NOS1: variants seen among roughly 807,000 people sequenced by gnomAD.
NOS1 encodes NOS type I.
NOS1 carries 51 observed loss-of-function variants against 164.5 expected under a neutral mutation model. The ratio of observed to expected loss-of-function variants is 0.31; its 90% CI spans 0.25 to 0.39. The LOEUF is 0.39. Ranked by LOEUF, NOS1 falls within the 10% of genes least tolerant of loss-of-function variation. The probability of loss-of-function intolerance (pLI) is 1.00; values close to 1 mark genes in which losing one functional copy is unlikely to be tolerated. For missense variants in NOS1, 1,362 were observed against 1,885.6 expected, an observed-to-expected ratio of 0.72 and a Z score of 5.14; for synonymous variants, 719 against 745.8, an observed-to-expected ratio of 0.96 and a Z score of 0.59.
intron 1 of NOS1, among the ~76,000 whole-genome samples, chr12:117,344,877 G>T (rs1012563838): frequency 6.6e-6 from 1 of 152,154 alleles, no homozygotes; most frequent in African/African-American, 2.4e-5. Context: ...GAAGTCACTG[G>T]TTTCACATTA....
intron 21 of NOS1, 117 bp from the exon 22 acceptor site, chr12:117,232,248 C>G: frequency 1.2e-6 from 1 of 837,094 alleles, no homozygotes; most frequent in Non-Finnish European, 1.9e-6. Flanking sequence ...GGCTCCAGAG[C>G]CAAGCAACCT....
chr12:117,278,235 A>T, intron 8 of NOS1, 137 bp from the exon 9 acceptor site: 2 of 920,746 alleles, frequency 2.2e-6, no homozygotes, highest in Non-Finnish European at 1.5e-6. Context: ...AGGCTCTTGG[A>T]CCACATCACC....
At chr12:117,279,961 G>A (rs907417518) in intron 8 of NOS1, among the ~76,000 whole-genome samples, 1 of 152,240 alleles carries the variant, frequency 6.6e-6, no homozygotes, top group African/African-American at 2.4e-5. Context: ...GGAGGGGCTT[G>A]AGCAAAGGAC....
chr12:117,310,268 C>T (rs1874365969), intron 3 of NOS1, among the ~76,000 whole-genome samples: 1 of 152,162 alleles, frequency 6.6e-6, no homozygotes, highest in African/African-American at 2.4e-5. Flanking sequence ...GGCACAAGGT[C>T]ACTCATTACG....
rs1956548135 is a variant in NOS1 at position 117,212,767 on chromosome 12, G to A, written c.*2542C>T. The A allele has an allele frequency of 1.0e-5, 10 of 985,440 alleles. No homozygotes were observed. The highest frequency in any genetic ancestry group is 1.2e-5 in the Non-Finnish European group (10 of 829,940). 61.0% of individuals were successfully genotyped at this position (985,440 alleles called of 1,614,324 possible). On this transcript the variant is annotated 3_prime_UTR_variant, in exon 29 of 29. Transcript: ENST00000317775. The stretch of plus-strand genomic sequence containing the variant: ...CGAGGCCTGGATGAAAAGCCACCAC[G>A]AGAGGGCAGTATTTCCCCACCCTTG...
chr12:117,240,251 A>T (rs1005199964), intron 20 of NOS1, among the ~76,000 whole-genome samples: 2 of 152,144 alleles, frequency 1.3e-5, no homozygotes, highest in Non-Finnish European at 2.9e-5. Flanking sequence ...CACTTAACTA[A>T]TTATTCAGAG....
In NOS1 at chr12:117,243,265, G is replaced by A. The variant is rs751871475; in HGVS notation, c.2962+32C>T. 24 of 1,611,512 alleles carry A rather than the reference G, an allele frequency of 1.5e-5. No individual in the cohort carries two copies. Among genetic ancestry groups the A allele is most frequent in the South Asian group, 5.5e-5 (5 of 90,602 alleles). On this transcript the variant is annotated intron_variant, in intron 19 of 28. Transcript: ENST00000317775. This position sits in a 1 kb window ranked among gnomAD's most constrained non-coding sequence, Gnocchi z 4.3. Reference sequence around the variant, plus strand: ...TCACCTGCCTTTCCCCCATTGTCACGAATACCTCCCTGGAAGGGTGGTGGG... The same window carrying A: ...TCACCTGCCTTTCCCCCATTGTCACAAATACCTCCCTGGAAGGGTGGTGGG...
intron 10 of NOS1, among the ~76,000 whole-genome samples, chr12:117,269,469 T>TTG (rs1292803873): frequency 9.8e-5 from 14 of 142,410 alleles, no homozygotes; most frequent in Non-Finnish European, 2.0e-4. Context: ...GATTTGTTTT[T>TTG]TTTTTTTTTT....
intron 3 of NOS1, among the ~76,000 whole-genome samples, chr12:117,292,514 C>T (rs1449362258): frequency 6.6e-6 from 1 of 152,198 alleles, no homozygotes; most frequent in Non-Finnish European, 1.5e-5. Context: ...TCACAGAGAA[C>T]TGCGAAGGAC....
At chr12:117,318,343 C>G (rs1274714930) in intron 2 of NOS1, among the ~76,000 whole-genome samples, 3 of 152,128 alleles carry the variant, frequency 2.0e-5, no homozygotes, top group Non-Finnish European at 4.4e-5. Context: ...CAGTAGGCAG[C>G]AAGGTTCCTT....
intron 1 of NOS1, among the ~76,000 whole-genome samples, chr12:117,357,967 AC>A (rs1352886009): frequency 7.9e-5 from 12 of 152,190 alleles, no homozygotes; most frequent in Admixed American, 3.9e-4. Flanking sequence ...TTCAACTTCC[AC>A]AAATTCCAGT....
rs948492869 is a variant in NOS1, at chr12:117,356,029, G to A, written c.-421+5483C>T. On this transcript the variant is annotated intron_variant, in intron 1 of 28. Transcript: ENST00000317775. The surrounding 1 kb of genome is among the most constrained non-coding windows in gnomAD (Gnocchi z 4.2). ...AGTCTCCCAAAGTGTTGGGATTACA[G>A]GCGTGAGCCACTGTGTCTGGCTGGC... 3.9e-5 allele frequency among the ~76,000 whole-genome samples: 6 copies of A among 152,204 alleles called. No individual in the cohort carries two copies. Among genetic ancestry groups the A allele is most frequent in the South Asian group, 2.1e-4 (1 of 4,828 alleles).
intron 27 of NOS1, among the ~76,000 whole-genome samples, chr12:117,218,960 A>T: frequency 6.7e-6 from 1 of 148,316 alleles, no homozygotes; most frequent in African/African-American, 2.5e-5. Flanking sequence ...GAGTGGGTTC[A>T]TTTTCAGTTG....
intron 2 of NOS1, among the ~76,000 whole-genome samples, chr12:117,315,784 A>G (rs115999757): frequency 0.011 from 1,674 of 152,334 alleles, 27 homozygotes; most frequent in African/African-American, 0.037. Context: ...CACTCAGTTT[A>G]CTCATCTGTT....
chr12:117,322,704 T>C (rs146982062), intron 2 of NOS1, among the ~76,000 whole-genome samples: 1 of 135,492 alleles, frequency 7.4e-6, no homozygotes, highest in East Asian at 2.4e-4. Flanking sequence ...CTTCCCTCCT[T>C]CTTTCCTTTC....
chr12:117,273,149 T>C (rs901761867), intron 9 of NOS1, among the ~76,000 whole-genome samples: 3 of 152,200 alleles, frequency 2.0e-5, no homozygotes, highest in African/African-American at 7.2e-5. Context: ...CTAGGCACCA[T>C]ACATTTCCTT....
chr12:117,259,506 G>A (rs183445177), intron 14 of NOS1, among the ~76,000 whole-genome samples: 62 of 152,232 alleles, frequency 4.1e-4, no homozygotes, highest in Non-Finnish European at 7.4e-4. Context: ...CAGTTAGGCC[G>A]GGAATGATCT....
chr12:117,291,063 A>T (rs1289056788), intron 3 of NOS1, among the ~76,000 whole-genome samples: 1 of 151,922 alleles, frequency 6.6e-6, no homozygotes, highest in African/African-American at 2.4e-5. Flanking sequence ...AAAATACAAA[A>T]ATTAGCCAGG....
rs56787288 is a variant in NOS1, at chr12:117,359,876, T to TTATA, written c.-421+1632_-421+1635dup. 3.0e-3 allele frequency among the ~76,000 whole-genome samples: 110 copies of TTATA among 36,876 alleles called. 16 individuals carry two copies. The highest frequency in any genetic ancestry group is 4.3e-3 in the Non-Finnish European group (77 of 17,880). 24.2% of individuals were successfully genotyped at this position (36,876 alleles called of 152,430 possible). On this transcript the variant is annotated intron_variant, in intron 1 of 28. Coordinates refer to ENST00000317775, the MANE Select transcript of NOS1 (RefSeq NM_000620.5). ...GTCCCAGAGCATTACAATAATGGTTTTATATATATATATATATATATATAT... is the reference window on the plus strand; with the variant it reads ...GTCCCAGAGCATTACAATAATGGTTTTATATATATATATATATATATATATATAT...
Sources: allele counts gnomAD v4.1 joint callset (sites outside exome capture counted in the v4.1 genomes callset), GRCh38; gene constraint gnomAD v4.1.1; non-coding constraint Gnocchi (gnomAD v3.1); transcripts MANE v1.5; gene names NCBI Gene and HGNC (gene_info 2026-07-23, HGNC 2026-07-21).